The following SCHIP1 variants were observed in gnomAD, a reference collection of about 807,000 sequenced individuals.
SCHIP1 encodes the protein schwannomin interacting protein 1.
In SCHIP1, 8 loss-of-function variants were observed where a neutral mutation model predicts 29.7. That is an observed-to-expected ratio of 0.27 (90% CI 0.16 to 0.49). SCHIP1 has a LOEUF of 0.49. Ranked by LOEUF, SCHIP1 falls within the 20% of genes least tolerant of loss-of-function variation. SCHIP1 has a pLI of 0.99. For missense variants in SCHIP1, 193 were observed against 294.6 expected, an observed-to-expected ratio of 0.66 and a Z score of 2.52; for synonymous variants, 76 against 94.9, an observed-to-expected ratio of 0.80 and a Z score of 1.16.
chr3:159,855,177 G>A lies in SCHIP1; in HGVS notation c.31-10986G>A, dbSNP rs374888085. Among the ~76,000 whole-genome samples, 8 of 152,260 alleles carry A rather than the reference G, an allele frequency of 5.3e-5. No individual in the cohort carries two copies. The South Asian group carries it at 6.2e-4, about 12-fold the overall frequency. ...ATGAGGGTTGTTCTCTTGTCATTCCGGCCTTTTAAATACCTTCCTCAGGCA... is the reference window on the plus strand; with the variant it reads ...ATGAGGGTTGTTCTCTTGTCATTCCAGCCTTTTAAATACCTTCCTCAGGCA... On this transcript the variant is annotated intron_variant, in intron 1 of 6. Coordinates refer to ENST00000445224, the Ensembl canonical transcript of SCHIP1.
chr3:159,690,393 A>G, the SCHIP1 span, among the ~76,000 whole-genome samples: 2 of 152,242 alleles, frequency 1.3e-5, no homozygotes, highest in East Asian at 3.9e-4. Flanking sequence ...AGAGGTGTTT[A>G]TAGTATTCTC....
At chr3:159,353,253 G>T in the SCHIP1 span, among the ~76,000 whole-genome samples, 3 of 151,972 alleles carry the variant, frequency 2.0e-5, no homozygotes, top group Non-Finnish European at 4.4e-5. Context: ...CATGGCACAT[G>T]TATACATATG....
chr3:159,616,361 C>T, the SCHIP1 span, among the ~76,000 whole-genome samples: 1 of 152,168 alleles, frequency 6.6e-6, no homozygotes, highest in Non-Finnish European at 1.5e-5. Context: ...CTCGGCCTCC[C>T]AAAATGCTGG....
the SCHIP1 span, among the ~76,000 whole-genome samples, chr3:159,629,758 AC>A: frequency 6.6e-6 from 1 of 152,190 alleles, no homozygotes; most frequent in South Asian, 2.1e-4. Flanking sequence ...ATTTTTAAAA[AC>A]AAATTTCCAC....
At chr3:159,426,524 A>T in the SCHIP1 span, among the ~76,000 whole-genome samples, 2 of 152,250 alleles carry the variant, frequency 1.3e-5, no homozygotes, top group Non-Finnish European at 2.9e-5. Flanking sequence ...AGAGGAGCTG[A>T]AATTGTGGCA....
chr3:159,425,873 T>G, the SCHIP1 span, among the ~76,000 whole-genome samples: 1 of 152,274 alleles, frequency 6.6e-6, no homozygotes, highest in East Asian at 1.9e-4. Flanking sequence ...AAACTAGAAC[T>G]CAGGATTAAG....
the SCHIP1 span, among the ~76,000 whole-genome samples, chr3:159,608,589 C>T: frequency 1.3e-5 from 2 of 152,152 alleles, no homozygotes; most frequent in African/African-American, 4.8e-5. Context: ...CCTCAGTCAG[C>T]CAGTTAAGTA....
At chr3:159,543,096 TAC>T in the SCHIP1 span, among the ~76,000 whole-genome samples, 31 of 128,188 alleles carry the variant, frequency 2.4e-4, no homozygotes, top group Non-Finnish European at 4.6e-4. Flanking sequence ...TGTGTATAAA[TAC>T]AGACATATAT....
the SCHIP1 span, among the ~76,000 whole-genome samples, chr3:159,439,241 C>T: frequency 6.6e-6 from 1 of 152,054 alleles, no homozygotes; most frequent in South Asian, 2.1e-4. Flanking sequence ...TAAAGAATTG[C>T]CTGAGACTGT....
chr3:159,353,990 G>A, the SCHIP1 span, among the ~76,000 whole-genome samples: 1 of 152,108 alleles, frequency 6.6e-6, no homozygotes, highest in Non-Finnish European at 1.5e-5. Context: ...TGAATTCAAA[G>A]TTACAAATTG....
chr3:159,860,613 T>C (rs1231381764), intron 1 of SCHIP1, among the ~76,000 whole-genome samples: 1 of 152,172 alleles, frequency 6.6e-6, no homozygotes, highest in Non-Finnish European at 1.5e-5. Context: ...TCTATTTCAG[T>C]TCCCATGGCA....
the SCHIP1 span, among the ~76,000 whole-genome samples, chr3:159,388,264 A>G: frequency 6.6e-6 from 1 of 152,156 alleles, no homozygotes; most frequent in Non-Finnish European, 1.5e-5. Flanking sequence ...AACATTAAGA[A>G]ACAATTGCTT....
chr3:159,548,805 C>T, the SCHIP1 span, among the ~76,000 whole-genome samples: 2 of 151,998 alleles, frequency 1.3e-5, no homozygotes, highest in Admixed American at 1.3e-4. Flanking sequence ...GTTTCCTTTT[C>T]ATCTTTGAAC....
At chr3:159,896,256 T>A (rs1410144493) in intron 6 of SCHIP1, among the ~76,000 whole-genome samples, 1 of 152,254 alleles carries the variant, frequency 6.6e-6, no homozygotes, top group South Asian at 2.1e-4. Context: ...CTTATCATAA[T>A]ACCATGTTTC....
At chr3:159,504,511 T>C in the SCHIP1 span, among the ~76,000 whole-genome samples, 5 of 152,156 alleles carry the variant, frequency 3.3e-5, no homozygotes, top group East Asian at 9.6e-4. Context: ...TTCCAATAAG[T>C]CTGGGAAGGC....
At chr3:159,870,998 C>T (rs989415599) in intron 2 of SCHIP1, among the ~76,000 whole-genome samples, 2 of 152,014 alleles carry the variant, frequency 1.3e-5, no homozygotes, top group African/African-American at 2.4e-5. Flanking sequence ...CTTTTTATTT[C>T]CTCAGATCAG....
the SCHIP1 span, among the ~76,000 whole-genome samples, chr3:159,483,926 G>A: frequency 6.6e-6 from 1 of 152,102 alleles, no homozygotes; most frequent in Admixed American, 6.6e-5. Context: ...ATCCAAATGT[G>A]GAGTTACTTT....
chr3:159,890,780 T>G (rs3773783), intron 5 of SCHIP1, among the ~76,000 whole-genome samples: 2,654 of 152,058 alleles, frequency 0.017, 59 homozygotes, highest in Admixed American at 0.059. Context: ...TTTTTTTTTT[T>G]GGGGGGCTCT....
chr3:159,501,162 T>C, the SCHIP1 span, among the ~76,000 whole-genome samples: 1 of 152,168 alleles, frequency 6.6e-6, no homozygotes, highest in Non-Finnish European at 1.5e-5. Flanking sequence ...GTTTATTTGG[T>C]TTTTAAACCA....
Sources: gnomAD v4.1 joint callset for allele counts (sites outside exome capture counted in the v4.1 genomes callset) on GRCh38, gnomAD v4.1.1 for gene constraint, MANE v1.5 for transcripts, NCBI Gene and HGNC (gene_info 2026-07-23, HGNC 2026-07-21) for gene names.